Variants in PARG observed in about 807,000 individuals in gnomAD.
PARG encodes poly(ADP-ribose) glycohydrolase.
A neutral mutation model predicts 113.0 loss-of-function variants in PARG; 35 were observed. That is an observed-to-expected ratio of 0.31 (90% CI 0.24 to 0.41). PARG has a LOEUF of 0.41. Ranked by LOEUF, PARG falls within the 10% of genes least tolerant of loss-of-function variation. The probability of loss-of-function intolerance (pLI) is 1.00; values close to 1 mark genes in which losing one functional copy is unlikely to be tolerated. For missense variants in PARG, 797 were observed against 1,169.4 expected, an observed-to-expected ratio of 0.68 and a Z score of 4.64; for synonymous variants, 330 against 409.9, an observed-to-expected ratio of 0.81 and a Z score of 2.36.
At chr10:49,892,688 T>C (rs536661662) in intron 7 of PARG, among the ~76,000 whole-genome samples, 4 of 152,254 alleles carry the variant, frequency 2.6e-5, no homozygotes, top group Non-Finnish European at 5.9e-5. Context: ...TGTCATGTTG[T>C]CATCAGTCCA....
At chr10:49,836,307 CTTTTTTTTTTTTTTTTT>C (rs1168567519) in intron 15 of PARG, among the ~76,000 whole-genome samples, 1 of 48,004 alleles carries the variant, frequency 2.1e-5, no homozygotes, top group African/African-American at 7.7e-5. Flanking sequence ...TTTCTTACGA[CTTTTTTTTTTTTTTTTT>C]TTTTTTTTTT....
chr10:49,824,978 T>C, intron 16 of PARG, among the ~76,000 whole-genome samples: 1 of 152,100 alleles, frequency 6.6e-6, no homozygotes, highest in Non-Finnish European at 1.5e-5. Flanking sequence ...TGTCTTTACA[T>C]TGTTTATTCA....
At chr10:49,821,543 C>A (rs1056672654) in intron 16 of PARG, among the ~76,000 whole-genome samples, 3 of 152,058 alleles carry the variant, frequency 2.0e-5, no homozygotes, top group Non-Finnish European at 2.9e-5. Flanking sequence ...CCATACCTGG[C>A]TAATTTCTGT....
chr10:49,932,313 A>G (rs1838532285), intron 3 of PARG, 30 bp from the exon 4 acceptor site: 1 of 1,320,844 alleles, frequency 7.6e-7, no homozygotes, highest in East Asian at 2.3e-5. Flanking sequence ...ATTTAGTCAC[A>G]AATTATTTAC....
intron 16 of PARG, among the ~76,000 whole-genome samples, chr10:49,828,242 G>A (rs1554829752): frequency 2.0e-5 from 3 of 152,012 alleles, no homozygotes; most frequent in Non-Finnish European, 2.9e-5. Context: ...AAGCCCCTCT[G>A]AGAAGATAAA....
At chr10:49,826,665 T>G (rs1554829425) in intron 16 of PARG, among the ~76,000 whole-genome samples, 1 of 152,188 alleles carries the variant, frequency 6.6e-6, no homozygotes, top group African/African-American at 2.4e-5. Flanking sequence ...TGGAAATAAA[T>G]TAGAAATCCT....
chr10:49,893,895 TCA>T (rs1847939908), intron 7 of PARG, among the ~76,000 whole-genome samples: 1 of 152,054 alleles, frequency 6.6e-6, no homozygotes, highest in African/African-American at 2.4e-5. Flanking sequence ...AGACGGGGTT[TCA>T]CAGTGTTAGC....
At chr10:49,888,295 A>G (rs1588945937) in intron 7 of PARG, among the ~76,000 whole-genome samples, 1 of 151,768 alleles carries the variant, frequency 6.6e-6, no homozygotes, top group East Asian at 1.9e-4. Context: ...AGTCTATTAC[A>G]TTTACTATAT....
At chr10:49,912,556 G>T (rs1217100500) in intron 7 of PARG, among the ~76,000 whole-genome samples, 1 of 151,964 alleles carries the variant, frequency 6.6e-6, no homozygotes, top group African/African-American at 2.4e-5. Context: ...CTAGCTACTC[G>T]GGAAGCTGAG....
chr10:49,932,671 A>G (rs1393666827), intron 3 of PARG, among the ~76,000 whole-genome samples: 1 of 152,196 alleles, frequency 6.6e-6, no homozygotes, highest in Admixed American at 6.5e-5. Flanking sequence ...GTAACGGCAA[A>G]ATATAAGCTT....
At position 49,832,811 on chromosome 10, in the gene PARG, C is replaced by G; in HGVS notation, c.2639G>C (p.Arg880Thr). The G allele has an allele frequency of 6.5e-7, 1 of 1,535,826 alleles. No homozygotes were observed. The highest frequency in any genetic ancestry group is 2.5e-5 in the East Asian group (1 of 40,770). ...TTTCTACAACAACTTACCTTTTAAC[C>G]TGGCATCACCCCCAAAGGCACCACA... ...WGCGAFGGDA[R>T]LKALIQILAA... is the part of the protein sequence containing the mutation. Residue 880 changes from arginine to threonine, a missense_variant, in exon 16 of 18, where the codon AGG becomes ACG. Physicochemically the swap from Arg to Thr is moderately conservative, Grantham distance 71 (BLOSUM62 -1). This residue lies in a region of PARG where 194 missense variants were observed against 247.1 expected (regional missense o/e 0.79). Transcript: ENST00000616448.
chr10:49,844,749 C>CAAAACA (rs1222510424), intron 13 of PARG, among the ~76,000 whole-genome samples: 4 of 151,608 alleles, frequency 2.6e-5, no homozygotes, highest in Non-Finnish European at 5.9e-5. Flanking sequence ...GACTCCATCT[C>CAAAACA]AAAACAAAAA....
intron 9 of PARG, among the ~76,000 whole-genome samples, chr10:49,878,795 T>TTACA (rs1378875182): frequency 6.6e-6 from 1 of 151,688 alleles, no homozygotes; most frequent in African/African-American, 2.4e-5. Flanking sequence ...GTGAAGGGCA[T>TTACA]TACACACAGC....
rs1372999150 is a variant in PARG, at chr10:49,915,898, G to C, written c.1737+19C>G. On this transcript the variant is annotated intron_variant, in intron 7 of 17. Coordinates refer to ENST00000616448, the MANE Select transcript of PARG (RefSeq NM_003631.5). ...GAGTTGTCAATAATATTTTCATAAA[G>C]AAATAAGGATACTTTTACCTTATCC... 1 of 1,311,868 alleles carries C rather than the reference G, an allele frequency of 7.6e-7. No individual in the cohort carries two copies. The highest frequency in any genetic ancestry group is 1.3e-5 in the South Asian group (1 of 79,110). The allele number at this position is 1,311,868 out of a possible 1,614,324, so 81.3% of individuals were successfully genotyped here.
At chr10:49,825,867 C>T (rs978193527) in intron 16 of PARG, among the ~76,000 whole-genome samples, 1 of 152,186 alleles carries the variant, frequency 6.6e-6, no homozygotes, top group Admixed American at 6.5e-5. Flanking sequence ...TTTCCAAGTC[C>T]ACTAACTCAG....
chr10:49,846,350 G>A (rs1845506568), intron 13 of PARG, among the ~76,000 whole-genome samples: 1 of 149,804 alleles, frequency 6.7e-6, no homozygotes. Context: ...AGGCTCAAGG[G>A]AATTTTCTGA....
intron 13 of PARG, among the ~76,000 whole-genome samples, chr10:49,844,538 G>A (rs536745371): frequency 2.0e-5 from 3 of 151,144 alleles, no homozygotes; most frequent in African/African-American, 4.9e-5. Context: ...CAGGAGAATC[G>A]CTTGAACCTG....
chr10:49,868,982 G>A (rs1411345065), intron 10 of PARG, among the ~76,000 whole-genome samples: 1 of 151,954 alleles, frequency 6.6e-6, no homozygotes, highest in Non-Finnish European at 1.5e-5. Context: ...AGTTTTTGGG[G>A]AAGCAAGAAT....
intron 7 of PARG, among the ~76,000 whole-genome samples, chr10:49,897,068 C>G (rs1356723019): frequency 6.6e-6 from 1 of 151,032 alleles, no homozygotes; most frequent in Non-Finnish European, 1.5e-5. Context: ...ATACTTGAGC[C>G]CCTTTTTCAG....
Sources: allele counts gnomAD v4.1 joint callset (sites outside exome capture counted in the v4.1 genomes callset), GRCh38; gene constraint gnomAD v4.1.1; regional missense constraint gnomAD v4.1.1; transcripts MANE v1.5; gene names NCBI Gene and HGNC (gene_info 2026-07-23, HGNC 2026-07-21).